RHOD: variants seen among roughly 807,000 people sequenced by gnomAD.
RHOD encodes ras homolog family member D.
RHOD carries 11 observed loss-of-function variants against 16.7 expected under a neutral mutation model. The observed-to-expected ratio is 0.66, with a 90% CI of 0.41 to 1.09. The LOEUF is 1.09. Among genes scored for constraint, RHOD ranks in the 50% least tolerant of loss-of-function variants. The pLI is 0.00. For synonymous variants in RHOD, 124 were observed against 126.3 expected (o/e 0.98, Z 0.12); for missense variants, 271 against 291.7 (o/e 0.93, Z 0.52).
rs1855032622 is a variant in RHOD, at chr11:67,071,632, A to G, written c.*30A>G. 1 of 1,559,962 alleles carries G rather than the reference A, an allele frequency of 6.4e-7. No individual in the cohort carries two copies. The highest frequency in any genetic ancestry group is 8.7e-7 in the Non-Finnish European group (1 of 1,152,060). The stretch of plus-strand genomic sequence containing the variant: ...CTCGGGGCGTCCCAGCGACGCGGGA[A>G]GGGGCAGGGCGCTGACCTGCTGCTG... On this transcript the variant is annotated 3_prime_UTR_variant, in exon 5 of 5. Coordinates refer to ENST00000308831, the MANE Select transcript of RHOD (RefSeq NM_014578.4).
chr11:67,070,757 G>C (rs1855019524), intron 4 of RHOD, among the ~76,000 whole-genome samples, 198 bp downstream of exon 4: 1 of 152,156 alleles, frequency 6.6e-6, no homozygotes, highest in African/African-American at 2.4e-5. Flanking sequence ...ACAGGCAAAA[G>C]GGAGAACAAG....
chr11:67,065,902 AC>A lies in RHOD; in HGVS notation c.144del (p.Thr49ArgfsTer12). 6.6e-7 allele frequency: 1 copy of A among 1,522,316 alleles called. No homozygotes were observed. Among genetic ancestry groups the A allele is most frequent in the Non-Finnish European group, 8.9e-7 (1 of 1,122,256 alleles). The allele number at this position is 1,522,316 out of a possible 1,614,324, so 94.3% of individuals were successfully genotyped here. A position where few individuals can be genotyped will look rare whatever the true frequency, so the allele number is the denominator to read the frequency against. On this transcript the variant is annotated frameshift_variant, in exon 2 of 5. Coordinates refer to ENST00000308831, the MANE Select transcript of RHOD (RefSeq NM_014578.4). LOFTEE classifies it high-confidence loss of function. The stretch of plus-strand genomic sequence containing the variant: ...CCGCCCTGCTTCTCCTCAGAGCTAC[AC>A]CCCCACGGTGTTTGAGCGGTACATG... ...FADGAFPESY[T>X]PTVFERYMVN...
rs374485380 is a variant in RHOD at position 67,066,696 on chromosome 11, G to A, written c.221-42G>A. 1.1e-5 allele frequency: 14 copies of A among 1,275,176 alleles called. No individual in the cohort carries two copies. In the African/African-American group the frequency reaches 1.3e-4, roughly 12 times the overall value. The allele number at this position is 1,275,176 out of a possible 1,614,324, so 79.0% of individuals were successfully genotyped here. A position where few individuals can be genotyped will look rare whatever the true frequency, so the allele number is the denominator to read the frequency against. ...TGACATTGGGGCAGTGCTGACAGGGGCCAGGAGCCCTGAAGGCAGTGACCA... is the reference window on the plus strand; with the variant it reads ...TGACATTGGGGCAGTGCTGACAGGGACCAGGAGCCCTGAAGGCAGTGACCA... On this transcript the variant is annotated intron_variant, in intron 2 of 4. Coordinates refer to ENST00000308831, the MANE Select transcript of RHOD (RefSeq NM_014578.4).
chr11:67,057,661 A>C (rs1038506909), intron 1 of RHOD, among the ~76,000 whole-genome samples: 3 of 152,200 alleles, frequency 2.0e-5, no homozygotes, highest in African/African-American at 7.2e-5. Context: ...CTGTAGCCTC[A>C]GCTGCTGGGC....
chr11:67,067,172 A>C (rs1854969197), intron 3 of RHOD, among the ~76,000 whole-genome samples: 1 of 152,176 alleles, frequency 6.6e-6, no homozygotes, highest in Non-Finnish European at 1.5e-5. Context: ...AGAGGCTGCT[A>C]CATCTCCCCA....
chr11:67,064,262 C>T (rs540077195), intron 1 of RHOD, among the ~76,000 whole-genome samples: 8 of 151,198 alleles, frequency 5.3e-5, no homozygotes, highest in Admixed American at 2.0e-4. Flanking sequence ...AAAAATTAGC[C>T]GGGCGTGGTG....
intron 4 of RHOD, 74 bp from the exon 5 acceptor site, chr11:67,071,361 C>G: frequency 7.0e-7 from 1 of 1,429,282 alleles, no homozygotes; most frequent in Non-Finnish European, 9.2e-7. Context: ...CACTCTTGTC[C>G]GGGAAAAGGA....
intron 3 of RHOD, among the ~76,000 whole-genome samples, chr11:67,068,636 C>T (rs578202559): frequency 4.5e-4 from 68 of 152,170 alleles, no homozygotes; most frequent in African/African-American, 1.6e-3. Context: ...GGTGAAACCC[C>T]GTTGCTACTA....
chr11:67,060,520 C>T (rs1401817164), intron 1 of RHOD, among the ~76,000 whole-genome samples: 1 of 152,162 alleles, frequency 6.6e-6, no homozygotes, highest in African/African-American at 2.4e-5. Flanking sequence ...AGAGGGGAAA[C>T]CCAGCCCCTT....
chr11:67,069,640 G>T (rs1298936691), intron 3 of RHOD, among the ~76,000 whole-genome samples: 1 of 151,256 alleles, frequency 6.6e-6, no homozygotes, highest in African/African-American at 2.4e-5. Context: ...GATTACAGGC[G>T]TGAGCCACCG....
intron 1 of RHOD, among the ~76,000 whole-genome samples, chr11:67,061,406 G>A (rs1854885025): frequency 6.6e-6 from 1 of 152,180 alleles, no homozygotes; most frequent in South Asian, 2.1e-4. Context: ...GCCGAGGCGG[G>A]TGGATCACCT....
chr11:67,068,974 T>C (rs561722440), intron 3 of RHOD, among the ~76,000 whole-genome samples: 7 of 151,986 alleles, frequency 4.6e-5, no homozygotes, highest in African/African-American at 1.4e-4. Flanking sequence ...TGTTTGTTTG[T>C]TTGTTTGTTT....
chr11:67,059,309 G>A (rs982209118), intron 1 of RHOD, among the ~76,000 whole-genome samples: 2 of 152,176 alleles, frequency 1.3e-5, no homozygotes, highest in African/African-American at 4.8e-5. Context: ...GGAGGCCAAG[G>A]TGGGTGGATC....
Position 67,065,350 on chromosome 11 carries a change from A to G in RHOD, c.133-546A>G, listed in dbSNP as rs141711477. Among the ~76,000 whole-genome samples, 888 of 152,286 alleles carry G rather than the reference A, an allele frequency of 5.8e-3. 7 individuals carry two copies. The highest frequency in any genetic ancestry group is 0.02 in the African/African-American group (820 of 41,552). Reference sequence around the variant, plus strand: ...CGGCCTCCCAAAGTGCTGGGATTACAGGCGTGAGCCAGCACACCCGGCCTT... The same window carrying G: ...CGGCCTCCCAAAGTGCTGGGATTACGGGCGTGAGCCAGCACACCCGGCCTT... On this transcript the variant is annotated intron_variant, in intron 1 of 4. Coordinates refer to ENST00000308831, the MANE Select transcript of RHOD (RefSeq NM_014578.4).
intron 1 of RHOD, among the ~76,000 whole-genome samples, chr11:67,065,372 C>T (rs1052612801): frequency 8.6e-5 from 13 of 152,012 alleles, no homozygotes; most frequent in Admixed American, 7.9e-4. Flanking sequence ...GCACACCCGG[C>T]CTTTTCGTTG....
At chr11:67,057,920 C>A (rs1001923103) in intron 1 of RHOD, among the ~76,000 whole-genome samples, 2 of 152,246 alleles carry the variant, frequency 1.3e-5, no homozygotes, top group African/African-American at 4.8e-5. Context: ...GGGCACCAGG[C>A]GGCCCCTGCT....
chr11:67,061,329 T>G (rs1450887413), intron 1 of RHOD, among the ~76,000 whole-genome samples: 1 of 152,000 alleles, frequency 6.6e-6, no homozygotes, highest in Non-Finnish European at 1.5e-5. Flanking sequence ...AAACCCCATC[T>G]CTATTAAAAG....
chr11:67,065,770 A>T, intron 1 of RHOD, 126 bp from the exon 2 acceptor site: 2 of 633,274 alleles, frequency 3.2e-6, no homozygotes, highest in South Asian at 3.9e-5. Flanking sequence ...CAGGCCAAGG[A>T]GGAGGCTTCT....
In RHOD at chr11:67,071,606, G is replaced by T; in HGVS notation, c.*4G>T. The T allele has an allele frequency of 3.1e-6, 5 of 1,587,846 alleles. No homozygotes were observed. The highest frequency in any genetic ancestry group is 4.3e-6 in the Non-Finnish European group (5 of 1,165,268). ...GGGCTTTTGCGTGGTGACCTGAGCG[G>T]CTCGGGGCGTCCCAGCGACGCGGGA... On this transcript the variant is annotated 3_prime_UTR_variant, in exon 5 of 5. Transcript: ENST00000308831.
Sources: gnomAD v4.1 joint callset for allele counts (sites outside exome capture counted in the v4.1 genomes callset) on GRCh38, gnomAD v4.1.1 for gene constraint, MANE v1.5 for transcripts, NCBI Gene and HGNC (gene_info 2026-07-23, HGNC 2026-07-21) for gene names.